Variants in STX2 observed in about 807,000 individuals in gnomAD.
STX2 encodes syntaxin 2, also known as syntaxin-2.
Under a neutral mutation model 40.6 loss-of-function variants are expected in STX2, and 27 were observed. The ratio of observed to expected loss-of-function variants is 0.66; its 90% CI spans 0.49 to 0.92. The LOEUF (loss-of-function observed/expected upper bound fraction) is 0.92. STX2 is among the 40% of genes least tolerant of loss of function. STX2 has a pLI of 0.00. For synonymous variants in STX2, 123 were observed against 119.1 expected (o/e 1.03, Z -0.22); for missense variants, 328 against 366.1 (o/e 0.90, Z 0.85).
chr12:130,830,648 C>T (rs1190938819), intron 1 of STX2, among the ~76,000 whole-genome samples: 2 of 152,150 alleles, frequency 1.3e-5, no homozygotes, highest in African/African-American at 4.8e-5. Flanking sequence ...TAACAGGAAA[C>T]AGACCCAATA....
At chr12:130,813,970 A>G (rs1951757659) in intron 3 of STX2, among the ~76,000 whole-genome samples, 1 of 152,188 alleles carries the variant, frequency 6.6e-6, no homozygotes, top group Non-Finnish European at 1.5e-5. Context: ...CTTGGCCAAG[A>G]ATGAAAGCTT....
rs959150467 is a variant in STX2 at position 130,821,759 on chromosome 12, T to C, written c.135A>G (p.Lys45=). 1.2e-6 allele frequency: 2 copies of C among 1,612,890 alleles called. No individual in the cohort carries two copies. The highest frequency in any genetic ancestry group is 1.3e-5 in the African/African-American group (1 of 74,922). ...TTACTTCTTCAACATATTGAGTTAT[T>C]TTATCAATACTGTTTCTAATCTCCT... is the stretch of plus-strand genomic sequence containing the variant. ...QVEEIRNSID[K]ITQYVEEVKK... The change falls in exon 3 of 11, where the codon AAA becomes AAG. Residue 45 remains lysine (K), a synonymous_variant. Transcript: ENST00000392373.
At chr12:130,798,661 G>A (rs1481053396) in intron 8 of STX2, 26 bp from the exon 9 acceptor site, 5 of 1,553,518 alleles carry the variant, frequency 3.2e-6, no homozygotes, top group Non-Finnish European at 4.3e-6. Context: ...TTCAAACTTA[G>A]AAGACATTTT....
At chr12:130,828,391 C>CTTTTTTT (rs35993256) in intron 1 of STX2, among the ~76,000 whole-genome samples, 10 of 106,532 alleles carry the variant, frequency 9.4e-5, no homozygotes, top group African/African-American at 1.5e-4. Context: ...CCACACCCGG[C>CTTTTTTT]TTTTTTTTTT....
chr12:130,836,374 A>ATT (rs963066109), intron 1 of STX2, among the ~76,000 whole-genome samples: 3 of 152,196 alleles, frequency 2.0e-5, no homozygotes, highest in African/African-American at 7.2e-5. Context: ...GGACTCAAGC[A>ATT]ATCTTCCCAC....
intron 10 of STX2, among the ~76,000 whole-genome samples, chr12:130,793,979 G>A (rs1950953888): frequency 6.6e-6 from 1 of 152,144 alleles, no homozygotes; most frequent in Non-Finnish European, 1.5e-5. Context: ...GCCAGGCCCG[G>A]GGCACAGGAC....
At chr12:130,836,417 T>C (rs536898646) in intron 1 of STX2, among the ~76,000 whole-genome samples, 3 of 152,112 alleles carry the variant, frequency 2.0e-5, no homozygotes, top group South Asian at 4.2e-4. Flanking sequence ...ACCACAGGCA[T>C]GCACCACTAC....
At chr12:130,821,258 A>G (rs968089109) in intron 3 of STX2, among the ~76,000 whole-genome samples, 24 of 152,342 alleles carry the variant, frequency 1.6e-4, no homozygotes, top group African/African-American at 5.3e-4. Context: ...CACAGTCCAT[A>G]CAAAAGCTCC....
At position 130,827,352 on chromosome 12, in the gene STX2, C is replaced by A. The variant is rs1047001463; in HGVS notation, c.31-85G>T. The A allele has an allele frequency of 3.5e-5, 36 of 1,024,356 alleles. No individual in the cohort carries two copies. In the Admixed American group the frequency reaches 6.6e-4, roughly 19 times the overall value. 63.5% of individuals were successfully genotyped at this position (1,024,356 alleles called of 1,614,324 possible). A position where few individuals can be genotyped will look rare whatever the true frequency, so the allele number is the denominator to read the frequency against. ...ACTGAAATACAAAAACAGTTCAATA[C>A]CCACAAGATCTCAACTCACTACAGC... is the stretch of plus-strand genomic sequence containing the variant. On this transcript the variant is annotated intron_variant, in intron 1 of 10. Transcript: ENST00000392373.
In STX2 at chr12:130,821,733, T is replaced by C. The variant is rs7301926; in HGVS notation, c.161A>G (p.Lys54Arg). ...AGAAAGAATGATGCTGTGGTTTTTC[T>C]TTACTTCTTCAACATATTGAGTTAT... ...DKITQYVEEV[K>R]KNHSIILSAP... The change falls in exon 3 of 11, where the codon AAG (lysine) becomes AGG (arginine). Residue 54 changes from lysine to arginine, a missense_variant. Transcript: ENST00000392373. 0.012 allele frequency: 19,079 copies of C among 1,613,762 alleles called. 1,159 individuals are homozygous for C. The African/African-American group carries it at 0.17, about 14-fold the overall frequency.
intron 1 of STX2, among the ~76,000 whole-genome samples, chr12:130,832,898 C>T (rs1952623058): frequency 6.6e-6 from 1 of 152,168 alleles, no homozygotes; most frequent in Admixed American, 6.5e-5. Flanking sequence ...TGTCCACAGC[C>T]GCTTTCTTAT....
chr12:130,823,825 G>A (rs1325297961), intron 2 of STX2, among the ~76,000 whole-genome samples: 2 of 152,162 alleles, frequency 1.3e-5, no homozygotes, highest in African/African-American at 2.4e-5. Context: ...CCAAAAAATC[G>A]GTGGAAACAG....
At chr12:130,813,989 G>A (rs555978552) in intron 3 of STX2, among the ~76,000 whole-genome samples, 2 of 152,330 alleles carry the variant, frequency 1.3e-5, no homozygotes, top group South Asian at 4.1e-4. Flanking sequence ...TTTCAGAGAT[G>A]CCCACTCTCT....
At chr12:130,838,632 C>A (rs1402734401) in intron 1 of STX2, among the ~76,000 whole-genome samples, 1 of 152,222 alleles carries the variant, frequency 6.6e-6, no homozygotes, top group Non-Finnish European at 1.5e-5. Flanking sequence ...GCCTGCTCCC[C>A]GGGGCTGACG....
chr12:130,821,542 G>A (rs1291459979), intron 3 of STX2, 147 bp downstream of exon 3: 3 of 639,584 alleles, frequency 4.7e-6, no homozygotes, highest in Non-Finnish European at 8.1e-6. Context: ...CTCGCCCCAG[G>A]CCAAACGCCT....
intron 2 of STX2, 43 bp from the exon 3 acceptor site, chr12:130,821,831 C>T (rs753611852): frequency 1.6e-6 from 2 of 1,276,216 alleles, no homozygotes; most frequent in Non-Finnish European, 2.3e-6. Flanking sequence ...AAACTCAAAT[C>T]TGTGACCACT....
At chr12:130,792,370 T>C (rs60586900) in intron 10 of STX2, among the ~76,000 whole-genome samples, 7,810 of 152,330 alleles carry the variant, frequency 0.051, 628 homozygotes, top group African/African-American at 0.17. Flanking sequence ...ACACTTTCTT[T>C]TAATCATAAT....
chr12:130,798,888 C>T (rs1951122113), intron 8 of STX2, among the ~76,000 whole-genome samples: 1 of 152,128 alleles, frequency 6.6e-6, no homozygotes, highest in Non-Finnish European at 1.5e-5. Context: ...TTAAAGGCAC[C>T]TCAAGTCAAT....
At chr12:130,800,538 G>A (rs183275534) in intron 8 of STX2, among the ~76,000 whole-genome samples, 5 of 152,342 alleles carry the variant, frequency 3.3e-5, no homozygotes, top group East Asian at 3.9e-4. Context: ...GGGAAACCCC[G>A]TGTAACAGGC....
Sources: gnomAD v4.1 joint callset for allele counts (sites outside exome capture counted in the v4.1 genomes callset) on GRCh38, gnomAD v4.1.1 for gene constraint, MANE v1.5 for transcripts, NCBI Gene and HGNC (gene_info 2026-07-23, HGNC 2026-07-21) for gene names.